Variants in IL10RB observed in about 807,000 individuals in gnomAD.
IL10RB encodes the protein interleukin-10 receptor subunit beta.
IL10RB carries 30 observed loss-of-function variants against 38.7 expected under a neutral mutation model. The ratio of observed to expected loss-of-function variants is 0.78; its 90% CI spans 0.58 to 1.05. The LOEUF (loss-of-function observed/expected upper bound fraction) is 1.05. IL10RB is among the 50% of genes least tolerant of loss of function. IL10RB has a pLI of 0.00. For missense variants in IL10RB, 328 were observed against 397.1 expected (o/e 0.83, Z 1.48); for synonymous variants, 142 against 145.9 (o/e 0.97, Z 0.19).
intron 1 of IL10RB, among the ~76,000 whole-genome samples, chr21:33,302,367 C>A (rs563667350): frequency 8.5e-5 from 13 of 152,394 alleles, no homozygotes; most frequent in African/African-American, 3.1e-4. Context: ...CCGATGACTG[C>A]TCCATGCGGG....
chr21:33,283,125 T>C lies in IL10RB; in HGVS notation c.530T>C (p.Val177Ala), dbSNP rs1264856166. Residue 177 changes from valine (V) to alanine (A), a missense_variant, in exon 5 of 7, where the codon GTC (valine) becomes GCC (alanine). Transcript: ENST00000290200. ...FQITPQYDFE[V>A]LRNLEPWTTY... ...ATTACTCCCCAGTATGACTTTGAGGTCCTCAGAAACCTGGAGCCATGGACA... is the reference window on the plus strand; with the variant it reads ...ATTACTCCCCAGTATGACTTTGAGGCCCTCAGAAACCTGGAGCCATGGACA... 1 of 1,613,708 alleles carries C rather than the reference T, an allele frequency of 6.2e-7. No homozygotes were observed. The highest frequency in any genetic ancestry group is 1.7e-5 in the Admixed American group (1 of 60,006).
chr21:33,303,786 C>A (rs1332681922), intron 1 of IL10RB, among the ~76,000 whole-genome samples: 1 of 152,234 alleles, frequency 6.6e-6, no homozygotes, highest in African/African-American at 2.4e-5. Flanking sequence ...CTACAGCCCC[C>A]GCTCTGGCCT....
chr21:33,289,197 G>A (rs529119449), intron 6 of IL10RB, among the ~76,000 whole-genome samples: 2 of 152,338 alleles, frequency 1.3e-5, no homozygotes, highest in Admixed American at 6.5e-5. Flanking sequence ...AGGGTGAGAG[G>A]TGAGACAGCA....
chr21:33,279,735 C>T lies in IL10RB; in HGVS notation c.332-17C>T, dbSNP rs781420332. ...AATGTGATTTTTGATTGTCATTTTG[C>T]TTGTTCTTCTGCTTAGCCATTATTG... is the stretch of plus-strand genomic sequence containing the variant. On this transcript the variant is annotated splice_polypyrimidine_tract_variant and intron_variant, in intron 3 of 6. Coordinates refer to ENST00000290200, the MANE Select transcript of IL10RB (RefSeq NM_000628.5). The T allele has an allele frequency of 3.1e-6, 5 of 1,610,838 alleles. No homozygotes were observed. The Admixed American group carries it at 6.7e-5, about 21-fold the overall frequency.
At chr21:33,271,706 T>C (rs965655570) in intron 2 of IL10RB, among the ~76,000 whole-genome samples, 1 of 149,638 alleles carries the variant, frequency 6.7e-6, no homozygotes, top group African/African-American at 2.5e-5. Flanking sequence ...CCAGCCTGGG[T>C]GACAGAGTGA....
intron 2 of IL10RB, among the ~76,000 whole-genome samples, chr21:33,275,005 A>G (rs1989143678): frequency 6.6e-6 from 1 of 152,134 alleles, no homozygotes; most frequent in African/African-American, 2.4e-5. Flanking sequence ...CACCTTCATC[A>G]TTTTAGCTAG....
chr21:33,305,269 A>G (rs1601842177), intron 1 of IL10RB, among the ~76,000 whole-genome samples: 7 of 152,038 alleles, frequency 4.6e-5, no homozygotes, highest in Admixed American at 4.6e-4. Flanking sequence ...CCACCACGAC[A>G]GGCTAATTTT....
intron 6 of IL10RB, among the ~76,000 whole-genome samples, chr21:33,293,603 T>G (rs1312341292): frequency 6.6e-6 from 1 of 152,118 alleles, no homozygotes; most frequent in Non-Finnish European, 1.5e-5. Flanking sequence ...GGCAGATCAC[T>G]TGAGGTCTGA....
chr21:33,271,439 C>T (rs1315190869), intron 2 of IL10RB, among the ~76,000 whole-genome samples: 1 of 151,942 alleles, frequency 6.6e-6, no homozygotes, highest in African/African-American at 2.4e-5. Flanking sequence ...TAAAAATAAC[C>T]TAGTGAAGGC....
At chr21:33,270,541 C>T (rs142318796) in intron 2 of IL10RB, among the ~76,000 whole-genome samples, 282 of 151,984 alleles carry the variant, frequency 1.9e-3, no homozygotes, top group African/African-American at 6.4e-3. Context: ...CCACCACGCC[C>T]GGCTAATTTT....
At chr21:33,282,979 C>G in intron 4 of IL10RB, 115 bp from the exon 5 acceptor site, 1 of 854,910 alleles carries the variant, frequency 1.2e-6, no homozygotes, top group South Asian at 1.4e-5. Context: ...CACCTGCTAC[C>G]TGCTCCTTCC....
chr21:33,269,001 A>T (rs1989025551), intron 2 of IL10RB, among the ~76,000 whole-genome samples: 3 of 152,144 alleles, frequency 2.0e-5, no homozygotes, highest in Non-Finnish European at 4.4e-5. Context: ...GTTCCCCTCC[A>T]ATGGATTATA....
chr21:33,294,870 T>C (rs1482194071), intron 6 of IL10RB, among the ~76,000 whole-genome samples: 1 of 152,152 alleles, frequency 6.6e-6, no homozygotes, highest in African/African-American at 2.4e-5. Context: ...TCAGGAAATG[T>C]ATAGGGGCAT....
At chr21:33,267,872 C>G (rs1174607802) in intron 1 of IL10RB, 1 of 188,252 alleles carries the variant, frequency 5.3e-6, no homozygotes, top group Non-Finnish European at 1.1e-5. Context: ...TAGCCCACAT[C>G]TCTTCTTGGT....
At position 33,267,978 on chromosome 21, in the gene IL10RB, G is replaced by A. The variant is rs8178444; in HGVS notation, c.50-416G>A. On this transcript the variant is annotated intron_variant, in intron 1 of 6. Transcript: ENST00000290200. ...ACCTAATGCAGCTCAAATGGGACTC[G>A]TGAGTTCCCCAGCTGAGCTCCAATC... 1,715 of 321,022 alleles carry A rather than the reference G, an allele frequency of 5.3e-3. 30 individuals are homozygous for A. Among genetic ancestry groups the A allele is most frequent in the African/African-American group, 0.034 (1,597 of 46,382 alleles). 19.9% of individuals were successfully genotyped at this position (321,022 alleles called of 1,614,324 possible).
chr21:33,299,473 C>T (rs940620126), downstream of IL10RB, among the ~76,000 whole-genome samples: 1 of 152,238 alleles, frequency 6.6e-6, no homozygotes, highest in African/African-American at 2.4e-5. Context: ...ATCCTCACCC[C>T]CTTCCACCCT....
intron 2 of IL10RB, among the ~76,000 whole-genome samples, chr21:33,269,928 G>C (rs1453230664): frequency 1.3e-5 from 2 of 152,148 alleles, no homozygotes. Context: ...GAAGTGCTGG[G>C]ATTACAGGCG....
At chr21:33,308,385 T>A (rs1467370) in intron 1 of IL10RB, 1 of 152,242 alleles carries the variant, frequency 6.6e-6, no homozygotes, top group East Asian at 1.9e-4. Flanking sequence ...TGATAGTAAC[T>A]GTACTATATT....
intron 1 of IL10RB, among the ~76,000 whole-genome samples, chr21:33,303,296 G>A (rs2082990434): frequency 6.6e-6 from 1 of 151,612 alleles, no homozygotes; most frequent in Non-Finnish European, 1.5e-5. Context: ...GGGGAGGGTG[G>A]AATCCTCTTG....
Sources: allele counts gnomAD v4.1 joint callset (sites outside exome capture counted in the v4.1 genomes callset), GRCh38; gene constraint gnomAD v4.1.1; transcripts MANE v1.5; gene names NCBI Gene and HGNC (gene_info 2026-07-23, HGNC 2026-07-21).